KLHL12: variants seen among roughly 807,000 people sequenced by gnomAD.
The protein encoded by KLHL12 is kelch like family member 12, also known as kelch-like protein 12.
In KLHL12, 17 loss-of-function variants were observed where a neutral mutation model predicts 60.8. The ratio of observed to expected loss-of-function variants is 0.28; its 90% CI spans 0.19 to 0.42. The LOEUF (loss-of-function observed/expected upper bound fraction) is 0.42, where lower values mean the gene tolerates loss of function less well. Among genes scored for constraint, KLHL12 ranks in the 10% least tolerant of loss-of-function variants. The pLI is 1.00. For synonymous variants in KLHL12, 220 were observed against 250.9 expected (o/e 0.88, Z 1.16); for missense variants, 468 against 722.3 (o/e 0.65, Z 4.04).
chr1:202,918,536 A>G (rs1571540242), intron 3 of KLHL12, 148 bp from the exon 4 acceptor site: 2 of 669,990 alleles, frequency 3.0e-6, no homozygotes, highest in East Asian at 5.4e-5. Context: ...TCTATGCTTA[A>G]GGAACTTAAA....
chr1:202,893,162 T>C lies in KLHL12; in HGVS notation c.1580+77A>G. 2 of 1,215,456 alleles carry C rather than the reference T, an allele frequency of 1.6e-6. No homozygotes were observed. Among genetic ancestry groups the C allele is most frequent in the Non-Finnish European group, 2.3e-6 (2 of 875,124 alleles). The allele number at this position is 1,215,456 out of a possible 1,614,324, so 75.3% of individuals were successfully genotyped here. ...TACCCCTACCCAAGTCTTGTCTCTG[T>C]CCAAAAATGAGGATCAGATCACATA... On this transcript the variant is annotated intron_variant, in intron 11 of 11. Transcript: ENST00000367261. The surrounding 1 kb of genome is among the most constrained non-coding windows in gnomAD (Gnocchi z 4.1).
chr1:202,906,948 C>A (rs897028671), intron 6 of KLHL12, among the ~76,000 whole-genome samples: 2 of 152,144 alleles, frequency 1.3e-5, no homozygotes, highest in Non-Finnish European at 2.9e-5. Flanking sequence ...AGGTGTGAGA[C>A]ACCGTGCCCG....
At chr1:202,917,992 G>A (rs1326884960) in intron 4 of KLHL12, among the ~76,000 whole-genome samples, 179 bp downstream of exon 4, 4 of 152,138 alleles carry the variant, frequency 2.6e-5, no homozygotes, top group South Asian at 2.1e-4. Flanking sequence ...ATTGAAGAAA[G>A]TGGCAAACTC....
chr1:202,925,300 C>A, intron 1 of KLHL12, 93 bp from the exon 2 acceptor site: 3 of 1,406,336 alleles, frequency 2.1e-6, no homozygotes, highest in Non-Finnish European at 2.8e-6. Context: ...ACCTAAGAGG[C>A]TTCCTCAGAC....
upstream of KLHL12, chr1:202,927,252 G>C: frequency 1.0e-6 from 1 of 984,740 alleles, no homozygotes; most frequent in Non-Finnish European, 1.2e-6. Context: ...GCGGCCGCGC[G>C]ACGTGATGAC....
At chr1:202,905,480 G>A (rs190414117) in intron 6 of KLHL12, among the ~76,000 whole-genome samples, 9 of 152,316 alleles carry the variant, frequency 5.9e-5, no homozygotes, top group Admixed American at 5.9e-4. Flanking sequence ...ACTAGAGTGA[G>A]TGTCGGAAAT....
chr1:202,892,810 G>A, intron 11 of KLHL12, 151 bp from the exon 12 acceptor site: 1 of 685,288 alleles, frequency 1.5e-6, no homozygotes, highest in South Asian at 2.1e-5. Flanking sequence ...GTGAGACCCT[G>A]TCTCAATAAA....
intron 2 of KLHL12, among the ~76,000 whole-genome samples, chr1:202,921,884 T>C (rs1660705727): frequency 6.6e-6 from 1 of 152,212 alleles, no homozygotes; most frequent in South Asian, 2.1e-4. Context: ...AAAAGCACTC[T>C]CTACCAAAGC....
At chr1:202,894,525 G>A in intron 9 of KLHL12, 66 bp downstream of exon 9, 1 of 1,524,074 alleles carries the variant, frequency 6.6e-7, no homozygotes, top group Non-Finnish European at 9.1e-7. Flanking sequence ...TTGGTAAAAA[G>A]GAATCCTTAC....
intron 4 of KLHL12, among the ~76,000 whole-genome samples, chr1:202,915,556 C>A (rs1272327042): frequency 6.6e-6 from 1 of 152,168 alleles, no homozygotes; most frequent in Non-Finnish European, 1.5e-5. Context: ...CTCTCTGCCC[C>A]ATCCAGTTTT....
chr1:202,916,327 G>A (rs755550707), intron 4 of KLHL12, among the ~76,000 whole-genome samples: 1 of 152,222 alleles, frequency 6.6e-6, no homozygotes, highest in Non-Finnish European at 1.5e-5. Context: ...CTAGAGAAAG[G>A]TGTAAAGAAA....
intron 6 of KLHL12, among the ~76,000 whole-genome samples, chr1:202,906,455 CA>C (rs59435824): frequency 0.31 from 16,321 of 53,150 alleles, 606 homozygotes; most frequent in East Asian, 0.49. Flanking sequence ...CGCTTCGTCT[CA>C]AAAAAAAAAA....
intron 3 of KLHL12, among the ~76,000 whole-genome samples, chr1:202,918,902 A>C (rs770733365): frequency 5.3e-5 from 8 of 152,222 alleles, no homozygotes; most frequent in Non-Finnish European, 1.2e-4. Context: ...TTAAAAACTA[A>C]AAGTGTGTCA....
chr1:202,918,115 C>T lies in KLHL12; in HGVS notation c.567+56G>A, dbSNP rs1660576723. ...ATGGTAAGTAACTGCATCCTATTTGCAAGTTTTGTAATTGCCCAATCTTGA... is the reference window on the plus strand; with the variant it reads ...ATGGTAAGTAACTGCATCCTATTTGTAAGTTTTGTAATTGCCCAATCTTGA... On this transcript the variant is annotated intron_variant, in intron 4 of 11. Transcript: ENST00000367261. 2.3e-6 allele frequency: 3 copies of T among 1,320,522 alleles called. No homozygotes were observed. The Admixed American group carries it at 5.6e-5, about 24-fold the overall frequency. 81.8% of individuals were successfully genotyped at this position (1,320,522 alleles called of 1,614,324 possible).
At chr1:202,913,751 G>A (rs181880779) in intron 4 of KLHL12, among the ~76,000 whole-genome samples, 321 of 152,326 alleles carry the variant, frequency 2.1e-3, no homozygotes, top group Non-Finnish European at 3.5e-3. Flanking sequence ...GCCAGGGGGA[G>A]TAAGAGAGTA....
At chr1:202,905,814 AT>A (rs1406658559) in intron 6 of KLHL12, among the ~76,000 whole-genome samples, 1 of 149,888 alleles carries the variant, frequency 6.7e-6, no homozygotes, top group Non-Finnish European at 1.5e-5. Context: ...ACCCAACCCG[AT>A]TTTTTTTTAG....
At chr1:202,917,283 T>C (rs1288030310) in intron 4 of KLHL12, among the ~76,000 whole-genome samples, 2 of 152,128 alleles carry the variant, frequency 1.3e-5, no homozygotes, top group Non-Finnish European at 2.9e-5. Context: ...GGTGCGATCA[T>C]GGCTCACTGC....
chr1:202,913,501 T>C (rs1210507379), intron 4 of KLHL12, among the ~76,000 whole-genome samples: 2 of 152,236 alleles, frequency 1.3e-5, no homozygotes, highest in African/African-American at 4.8e-5. Context: ...GGAAACTGAT[T>C]ACACAATGGT....
intron 4 of KLHL12, among the ~76,000 whole-genome samples, chr1:202,917,453 T>G (rs1347723911): frequency 1.8e-5 from 1 of 55,718 alleles, no homozygotes; most frequent in Admixed American, 2.2e-4. Context: ...ACACAAGCAG[T>G]TCTGCCTCAG....
Sources: allele counts gnomAD v4.1 joint callset (sites outside exome capture counted in the v4.1 genomes callset), GRCh38; gene constraint gnomAD v4.1.1; non-coding constraint Gnocchi (gnomAD v3.1); transcripts MANE v1.5; gene names NCBI Gene and HGNC (gene_info 2026-07-23, HGNC 2026-07-21).